NBEA: variants seen among roughly 807,000 people sequenced by gnomAD.
The protein encoded by NBEA is neurobeachin.
In NBEA, 44 loss-of-function variants were observed where a neutral mutation model predicts 343.4. That is an observed-to-expected ratio of 0.13 (90% confidence interval 0.10 to 0.16). NBEA has a LOEUF of 0.16. Ranked by LOEUF, NBEA falls within the 10% of genes least tolerant of loss-of-function variation. The pLI, the probability that NBEA is intolerant of heterozygous loss-of-function variation, is 1.00. For synonymous variants in NBEA, 1,175 were observed against 1,238.7 expected, an observed-to-expected ratio of 0.95 and a Z score of 1.08; for missense variants, 2,555 against 3,631.3, an observed-to-expected ratio of 0.70 and a Z score of 7.62.
chr13:35,553,443 T>C (rs2079436066), intron 43 of NBEA, among the ~76,000 whole-genome samples: 1 of 152,082 alleles, frequency 6.6e-6, no homozygotes, highest in African/African-American at 2.4e-5. Flanking sequence ...GGCTTAAACC[T>C]GTCACTTAGC....
intron 34 of NBEA, among the ~76,000 whole-genome samples, chr13:35,278,855 C>T (rs963176291): frequency 1.6e-4 from 25 of 151,928 alleles, no homozygotes; most frequent in Admixed American, 3.3e-4. Flanking sequence ...GCTCAACTTT[C>T]CCATAACATG....
At chr13:35,084,581 CA>C (rs2064626427) in intron 10 of NBEA, among the ~76,000 whole-genome samples, 1 of 152,130 alleles carries the variant, frequency 6.6e-6, no homozygotes, top group African/African-American at 2.4e-5. Context: ...ACATTCAAAG[CA>C]GTGTGTAGAG....
chr13:35,105,303 A>C (rs2065863787), intron 11 of NBEA, among the ~76,000 whole-genome samples: 1 of 152,030 alleles, frequency 6.6e-6, no homozygotes, highest in African/African-American at 2.4e-5. Context: ...CCCAAGCATA[A>C]AAATAGGACA....
intron 41 of NBEA, chr13:35,475,868 C>T (rs1428309411): frequency 1.2e-6 from 2 of 1,614,046 alleles, no homozygotes; most frequent in Non-Finnish European, 1.7e-6. Flanking sequence ...AGTGAGCCAT[C>T]GTCCACGAAG....
intron 41 of NBEA, among the ~76,000 whole-genome samples, chr13:35,530,233 T>C (rs749467525): frequency 2.0e-5 from 3 of 152,216 alleles, no homozygotes; most frequent in Non-Finnish European, 4.4e-5. Context: ...TAATTTTTTT[T>C]CCTCAAGTCC....
At chr13:35,085,446 T>C (rs1168201164) in intron 10 of NBEA, among the ~76,000 whole-genome samples, 1 of 152,108 alleles carries the variant, frequency 6.6e-6, no homozygotes, top group Non-Finnish European at 1.5e-5. Context: ...AATCAATAAA[T>C]GTAATCCAGC....
intron 1 of NBEA, among the ~76,000 whole-genome samples, chr13:35,036,382 T>A (rs1282159984): frequency 1.3e-5 from 2 of 152,078 alleles, no homozygotes; most frequent in Non-Finnish European, 2.9e-5. Flanking sequence ...TAGTTATTAT[T>A]TTTGCTTGGT....
chr13:34,949,243 G>A (rs1024296082), intron 1 of NBEA, among the ~76,000 whole-genome samples: 9 of 152,106 alleles, frequency 5.9e-5, no homozygotes, highest in Admixed American at 4.6e-4. Flanking sequence ...TTAAGCTGAC[G>A]GTTAAGGGGA....
intron 34 of NBEA, among the ~76,000 whole-genome samples, chr13:35,262,971 AT>A (rs1463820260): frequency 6.6e-6 from 1 of 152,186 alleles, no homozygotes; most frequent in African/African-American, 2.4e-5. Context: ...AGAAAAATCA[AT>A]CCTAAAATTC....
At chr13:34,963,095 G>T (rs915082103) in intron 1 of NBEA, among the ~76,000 whole-genome samples, 3 of 152,036 alleles carry the variant, frequency 2.0e-5, no homozygotes, top group African/African-American at 7.2e-5. Context: ...GTCTAGCAAT[G>T]ATCTCTTTGG....
intron 37 of NBEA, among the ~76,000 whole-genome samples, chr13:35,350,828 T>C (rs2040161542): frequency 6.6e-6 from 1 of 151,468 alleles, no homozygotes; most frequent in Admixed American, 6.6e-5. Flanking sequence ...AGTCATGACA[T>C]TTTGCTAGAA....
At chr13:35,065,958 G>A (rs1028528199) in intron 8 of NBEA, among the ~76,000 whole-genome samples, 61 of 151,992 alleles carry the variant, frequency 4.0e-4, no homozygotes, top group African/African-American at 8.9e-4. Flanking sequence ...GGAATGTTTC[G>A]TGTGTACATT....
intron 38 of NBEA, among the ~76,000 whole-genome samples, chr13:35,352,749 T>A (rs565764233): frequency 6.6e-6 from 1 of 152,190 alleles, no homozygotes; most frequent in South Asian, 2.1e-4. Flanking sequence ...AGAAATAATA[T>A]GTTCTTTTAA....
intron 10 of NBEA, among the ~76,000 whole-genome samples, chr13:35,071,431 T>G (rs1331574984): frequency 6.6e-6 from 1 of 151,994 alleles, no homozygotes; most frequent in Non-Finnish European, 1.5e-5. Flanking sequence ...GAGTGTGATT[T>G]CATGTACATT....
intron 1 of NBEA, among the ~76,000 whole-genome samples, chr13:35,005,010 A>G (rs2061269316): frequency 6.6e-6 from 1 of 152,136 alleles, no homozygotes; most frequent in African/African-American, 2.4e-5. Context: ...TTTATTATAT[A>G]TTATAATGCA....
chr13:35,399,872 G>A (rs547971063), intron 38 of NBEA, among the ~76,000 whole-genome samples: 1 of 152,114 alleles, frequency 6.6e-6, no homozygotes, highest in East Asian at 1.9e-4. Context: ...CCTAATGTCA[G>A]TACTGTTGTG....
chr13:35,045,040 G>C lies in NBEA; in HGVS notation c.620G>C (p.Gly207Ala). The C allele has an allele frequency of 6.2e-7, 1 of 1,608,228 alleles. No homozygotes were observed. The highest frequency in any genetic ancestry group is 8.5e-7 in the Non-Finnish European group (1 of 1,177,018). Reference protein sequence around the residue: ...LLFSMLRGESGIWPRHAVKLL... With the variant: ...LLFSMLRGESAIWPRHAVKLL... ...TTCAGCATGCTTCGAGGAGAAAGTG[G>C]AATCTGGGTAAGCTGTGGTCGGAGG... Residue 207 changes from glycine to alanine, a missense_variant, in exon 3 of 59, where the codon GGA becomes GCA. Around this residue, in one of 21 missense-constraint regions of NBEA, gnomAD observed 185 missense variants for 290.6 expected, o/e 0.64. Transcript: ENST00000379939.
chr13:35,313,079 C>T (rs1370674550), intron 36 of NBEA, among the ~76,000 whole-genome samples: 1 of 152,114 alleles, frequency 6.6e-6, no homozygotes, highest in Non-Finnish European at 1.5e-5. Flanking sequence ...GAGTGGAGAA[C>T]CAGAGGCCCT....
In NBEA at chr13:34,961,163, G is replaced by A. The variant is rs773092478; in HGVS notation, c.294+18049G>A. Among the ~76,000 whole-genome samples, 16 of 151,870 alleles carry A rather than the reference G, an allele frequency of 1.1e-4. No individual in the cohort carries two copies. In the South Asian group the frequency reaches 2.1e-3, roughly 20 times the overall value. ...TCTGTGTATGTAAAAAGATTAGAGC[G>A]GTATTAGTGGGAAGATTGTTTATGG... On this transcript the variant is annotated intron_variant, in intron 1 of 58. Transcript: ENST00000379939.
Sources: gnomAD v4.1 joint callset for allele counts (sites outside exome capture counted in the v4.1 genomes callset) on GRCh38, gnomAD v4.1.1 for gene constraint, gnomAD v4.1.1 regional missense constraint, MANE v1.5 for transcripts, NCBI Gene and HGNC (gene_info 2026-07-23, HGNC 2026-07-21) for gene names.